Variants in KIAA0319 observed in about 807,000 individuals in gnomAD.
KIAA0319 encodes KIAA0319.
Under a neutral mutation model 108.4 loss-of-function variants are expected in KIAA0319, and 83 were observed. The observed-to-expected ratio is 0.77, with a 90% CI of 0.64 to 0.92. KIAA0319 has a LOEUF of 0.92. Among genes scored for constraint, KIAA0319 ranks in the 40% least tolerant of loss-of-function variants. The pLI is 0.00. For synonymous variants in KIAA0319, 484 were observed against 510.4 expected, an observed-to-expected ratio of 0.95 and a Z score of 0.70; for missense variants, 1,195 against 1,322.4, an observed-to-expected ratio of 0.90 and a Z score of 1.49.
chr6:24,548,087 C>G lies in KIAA0319; in HGVS notation c.3041-744G>C, dbSNP rs143084101. ...GGCATAGACTCATGAGAAGATGGCT[C>G]ATAACAGGTTAGATGTTTTTTAAAT... On this transcript the variant is annotated intron_variant, in intron 20 of 20. Transcript: ENST00000378214. 3.5e-4 allele frequency among the ~76,000 whole-genome samples: 53 copies of G among 152,258 alleles called. No homozygotes were observed. The South Asian group carries it at 0.011, about 31-fold the overall frequency.
chr6:24,600,841 C>A, intron 2 of KIAA0319: 1 of 769,444 alleles, frequency 1.3e-6, no homozygotes. Flanking sequence ...TTTATTTTCC[C>A]ATGGAATAGT....
intron 1 of KIAA0319, 166 bp from the exon 2 acceptor site, chr6:24,601,374 C>A (rs1009343728): frequency 2.1e-6 from 2 of 936,050 alleles, no homozygotes; most frequent in Non-Finnish European, 2.5e-6. Flanking sequence ...TTCAAATAGC[C>A]AGTATAGTTC....
chr6:24,579,550 C>T (rs936597034), intron 8 of KIAA0319, among the ~76,000 whole-genome samples: 14 of 145,752 alleles, frequency 9.6e-5, no homozygotes, highest in Admixed American at 8.3e-4. Context: ...TATATATACA[C>T]AAAGTGATTT....
intron 16 of KIAA0319, among the ~76,000 whole-genome samples, chr6:24,561,423 T>G (rs1415488634): frequency 6.6e-6 from 1 of 152,244 alleles, no homozygotes; most frequent in Non-Finnish European, 1.5e-5. Context: ...TATAGGTCTA[T>G]TTAGATTTTT....
chr6:24,558,247 G>A (rs539823314), intron 17 of KIAA0319, among the ~76,000 whole-genome samples: 1 of 151,334 alleles, frequency 6.6e-6, no homozygotes, highest in East Asian at 1.9e-4. Context: ...AGCCATGATG[G>A]CTAAGGCCAT....
intron 2 of KIAA0319, chr6:24,598,819 T>A (rs1770147617): frequency 3.8e-6 from 1 of 263,024 alleles, no homozygotes; most frequent in South Asian, 4.6e-5. Context: ...GAGGTTGCAG[T>A]GAGCCGAGAT....
intron 9 of KIAA0319, among the ~76,000 whole-genome samples, chr6:24,577,845 T>A (rs551183643): frequency 6.6e-6 from 1 of 152,168 alleles, no homozygotes; most frequent in Non-Finnish European, 1.5e-5. Context: ...TCCAATAAGA[T>A]GGTAAAGCGT....
chr6:24,619,534 G>A (rs1424892583), intron 1 of KIAA0319, among the ~76,000 whole-genome samples: 1 of 152,116 alleles, frequency 6.6e-6, no homozygotes, highest in Non-Finnish European at 1.5e-5. Context: ...GGATAAATAC[G>A]TCCAGGGTTC....
intron 1 of KIAA0319, among the ~76,000 whole-genome samples, chr6:24,634,941 G>T (rs1049181467): frequency 6.6e-6 from 1 of 152,156 alleles, no homozygotes; most frequent in African/African-American, 2.4e-5. Flanking sequence ...CAAGGGAAAA[G>T]AAACATGTAA....
At chr6:24,583,811 T>C in intron 4 of KIAA0319, 109 bp from the exon 5 acceptor site, 1 of 704,934 alleles carries the variant, frequency 1.4e-6, no homozygotes, top group Admixed American at 2.9e-5. Context: ...AACATATGCT[T>C]TTGTAATAGT....
rs886616830 is a variant in KIAA0319, at chr6:24,609,273, CAAAAAAA to C, written c.-105-8072_-105-8066del. Among the ~76,000 whole-genome samples the C allele has an allele frequency of 6.7e-5, 5 of 74,858 alleles. No homozygotes were observed. The East Asian group carries it at 1.9e-3, about 29-fold the overall frequency. The allele number at this position is 74,858 out of a possible 152,430, so 49.1% of individuals were successfully genotyped here. On this transcript the variant is annotated intron_variant, in intron 1 of 20. Coordinates refer to ENST00000378214, the MANE Select transcript of KIAA0319 (RefSeq NM_014809.4). ...ACAGAGCCAGACCCTGTCTCAAAAA[CAAAAAAA>C]AAAAAAAAAGAAAAAAAAAAAAAGA...
chr6:24,612,002 G>C (rs1354530837), intron 1 of KIAA0319, among the ~76,000 whole-genome samples: 1 of 149,696 alleles, frequency 6.7e-6, no homozygotes, highest in Non-Finnish European at 1.5e-5. Flanking sequence ...AGAAAGCTGA[G>C]ATCACACTGC....
chr6:24,581,141 T>C, intron 6 of KIAA0319, 128 bp from the exon 7 acceptor site: 10 of 661,954 alleles, frequency 1.5e-5, no homozygotes, highest in Non-Finnish European at 2.7e-5. Context: ...CAGGAGACAG[T>C]CTCATTTGGA....
chr6:24,580,982 G>C lies in KIAA0319; in HGVS notation c.1223C>G (p.Thr408Ser), dbSNP rs1308592290. 1.9e-6 allele frequency: 3 copies of C among 1,612,710 alleles called. No individual in the cohort carries two copies. In the African/African-American group the frequency reaches 4.0e-5, roughly 22 times the overall value. Residue 408 changes from threonine to serine, a missense_variant, in exon 7 of 21, where the codon ACT becomes AGT. Thr to Ser is a moderately conservative substitution (Grantham distance 58). Transcript: ENST00000378214. ...TCCAAAGGCGTTTTCACTAGAAACA[G>C]TGACTTTGAAGACATAAAGTCCGAC... ...LSVGLYVFKV[T>S]VSSENAFGEG...
At chr6:24,633,126 C>T (rs1775781991) in intron 1 of KIAA0319, among the ~76,000 whole-genome samples, 1 of 152,094 alleles carries the variant, frequency 6.6e-6, no homozygotes, top group Non-Finnish European at 1.5e-5. Flanking sequence ...CATACTCAAA[C>T]TCATCAAACT....
chr6:24,550,129 C>G (rs1761251003), intron 20 of KIAA0319, among the ~76,000 whole-genome samples: 1 of 152,184 alleles, frequency 6.6e-6, no homozygotes, highest in African/African-American at 2.4e-5. Context: ...CCTGCCAAAG[C>G]CCTATTAGCT....
intron 10 of KIAA0319, among the ~76,000 whole-genome samples, chr6:24,573,884 C>T (rs1392427727): frequency 3.3e-5 from 5 of 151,696 alleles, no homozygotes; most frequent in Admixed American, 6.6e-5. Flanking sequence ...TGGGAGGCTA[C>T]GGCGGGTGGA....
At chr6:24,594,166 T>C (rs1262429535) in intron 3 of KIAA0319, among the ~76,000 whole-genome samples, 3 of 110,170 alleles carry the variant, frequency 2.7e-5, no homozygotes, top group African/African-American at 3.6e-5. Context: ...GCCACTGCAC[T>C]CCAGCCTGGG....
At chr6:24,579,697 AG>A in intron 8 of KIAA0319, among the ~76,000 whole-genome samples, 160 bp downstream of exon 8, 1 of 152,084 alleles carries the variant, frequency 6.6e-6, no homozygotes, top group Admixed American at 6.6e-5. Flanking sequence ...CACAGGATAG[AG>A]GAGCTAAAGG....
Sources: allele counts gnomAD v4.1 joint callset (sites outside exome capture counted in the v4.1 genomes callset), GRCh38; gene constraint gnomAD v4.1.1; transcripts MANE v1.5; gene names NCBI Gene and HGNC (gene_info 2026-07-23, HGNC 2026-07-21).